The following KRABD3 variants were observed in gnomAD, a reference collection of about 807,000 sequenced individuals.
The protein encoded by KRABD3 is KRAB domain-containing protein 3.
At chr7:149,729,138 G>T in the KRABD3 span, 1 of 1,379,746 alleles carries the variant, frequency 7.2e-7, no homozygotes. Context: ...TTCTGTGGCA[G>T]CACGAGGCCC....
chr7:149,728,448 G>A, the KRABD3 span: 6 of 1,533,722 alleles, frequency 3.9e-6, no homozygotes, highest in Non-Finnish European at 5.3e-6. Context: ...GGACACAGCA[G>A]AAGACAGGGG....
the KRABD3 span, chr7:149,721,611 C>G: frequency 6.7e-7 from 1 of 1,488,434 alleles, no homozygotes; most frequent in South Asian, 1.2e-5. Flanking sequence ...GACCTGGACC[C>G]TGTGCCCTCT....
chr7:149,714,953 C>G, the KRABD3 span: 1 of 1,006,016 alleles, frequency 9.9e-7, no homozygotes, highest in Middle Eastern at 3.8e-4. Flanking sequence ...CCGGCCCCGC[C>G]TTCTCCTGCG....
the KRABD3 span, chr7:149,724,742 GC>G: frequency 6.4e-7 from 1 of 1,557,266 alleles, no homozygotes; most frequent in Middle Eastern, 1.7e-4. Context: ...TGGGTCCAGA[GC>G]CCCCCAGGAC....
chr7:149,717,052 C>T, the KRABD3 span, among the ~76,000 whole-genome samples: 1 of 152,174 alleles, frequency 6.6e-6, no homozygotes, highest in African/African-American at 2.4e-5. Flanking sequence ...TCACCGTGCT[C>T]TGCCCCGGTC....
At chr7:149,720,798 G>A in the KRABD3 span, 31 of 1,548,194 alleles carry the variant, frequency 2.0e-5, no homozygotes, top group African/African-American at 3.3e-4. Context: ...CTGAGCAGCC[G>A]CAGGGGTGCG....
chr7:149,727,232 T>C, the KRABD3 span, among the ~76,000 whole-genome samples: 2 of 152,164 alleles, frequency 1.3e-5, no homozygotes, highest in African/African-American at 4.8e-5. Context: ...TGACTGCCAA[T>C]GTATTTACTG....
chr7:149,714,952 C>T, the KRABD3 span: 2 of 987,768 alleles, frequency 2.0e-6, no homozygotes, highest in Non-Finnish European at 2.6e-6. Flanking sequence ...CCCGGCCCCG[C>T]CTTCTCCTGC....
chr7:149,725,964 C>G, the KRABD3 span: 3 of 1,605,920 alleles, frequency 1.9e-6, no homozygotes, highest in East Asian at 6.7e-5. Context: ...CCTGGCCCCC[C>G]GAGGAACCCC....
chr7:149,726,303 A>C, the KRABD3 span, among the ~76,000 whole-genome samples: 1 of 152,206 alleles, frequency 6.6e-6, no homozygotes, highest in East Asian at 1.9e-4. Flanking sequence ...GATTTCTTTT[A>C]AAATCTTTTT....
the KRABD3 span, chr7:149,726,084 G>T: frequency 1.9e-6 from 3 of 1,594,552 alleles, no homozygotes; most frequent in African/African-American, 2.7e-5. Flanking sequence ...GCCCGAGGCT[G>T]GGGTTCATCC....
chr7:149,715,942 G>A, the KRABD3 span, among the ~76,000 whole-genome samples: 15 of 152,338 alleles, frequency 9.8e-5, no homozygotes, highest in East Asian at 9.6e-4. Flanking sequence ...ACAGTTTCCT[G>A]TTCTGTAAAG....
the KRABD3 span, chr7:149,721,502 G>C: frequency 6.2e-7 from 1 of 1,612,456 alleles, no homozygotes; most frequent in East Asian, 2.2e-5. Context: ...TGGCCCAACT[G>C]GTGACGGGGT....
At chr7:149,723,607 C>T in the KRABD3 span, 28 of 880,876 alleles carry the variant, frequency 3.2e-5, no homozygotes, top group Admixed American at 5.6e-5. Context: ...GAAGACTCAG[C>T]GAGCCACTGG....
chr7:149,715,161 G>C, the KRABD3 span: 3 of 1,227,144 alleles, frequency 2.4e-6, no homozygotes, highest in Non-Finnish European at 3.0e-6. Context: ...CTTCGGGATC[G>C]GCTGGGTGAG....
chr7:149,720,750 A>C, the KRABD3 span: 6 of 1,317,104 alleles, frequency 4.6e-6, no homozygotes, highest in Admixed American at 8.7e-5. Flanking sequence ...GGATTACGTG[A>C]GATGCTGGGT....
chr7:149,727,151 C>G, the KRABD3 span, among the ~76,000 whole-genome samples: 19 of 152,298 alleles, frequency 1.2e-4, no homozygotes, highest in Non-Finnish European at 2.1e-4. Flanking sequence ...ATTTCCCCCA[C>G]CTGGTTAATC....
chr7:149,731,306 C>T, the KRABD3 span, among the ~76,000 whole-genome samples: 1 of 152,238 alleles, frequency 6.6e-6, no homozygotes, highest in African/African-American at 2.4e-5. Flanking sequence ...CCACATTCTT[C>T]ACTCCGCAGT....
chr7:149,723,668 T>C, the KRABD3 span: 1 of 1,516,240 alleles, frequency 6.6e-7, no homozygotes, highest in South Asian at 1.2e-5. Context: ...TTGTCCCCTG[T>C]TTGTTGTTTG....
Sources: gnomAD v4.1 joint callset for allele counts (sites outside exome capture counted in the v4.1 genomes callset) on GRCh38, gnomAD v4.1.1 for gene constraint, MANE v1.5 for transcripts, NCBI Gene and HGNC (gene_info 2026-07-23, HGNC 2026-07-21) for gene names.